The following LDLRAD3 variants were observed in gnomAD, a reference collection of about 807,000 sequenced individuals.
LDLRAD3 encodes the protein low density lipoprotein receptor class A domain containing 3, also known as low-density lipoprotein receptor class A domain-containing protein 3.
Under a neutral mutation model 29.4 loss-of-function variants are expected in LDLRAD3, and 20 were observed. The observed-to-expected ratio is 0.68, with a 90% CI of 0.48 to 0.99. The LOEUF is 0.99. Among genes scored for constraint, LDLRAD3 ranks in the 50% least tolerant of loss-of-function variants. The probability of loss-of-function intolerance (pLI) is 0.00; values close to 1 mark genes in which losing one functional copy is unlikely to be tolerated. For synonymous variants in LDLRAD3, 157 were observed against 192.7 expected (o/e 0.81, Z 1.53); for missense variants, 420 against 454.3 (o/e 0.92, Z 0.69).
At chr11:35,957,912 G>A (rs573727209) in intron 1 of LDLRAD3, among the ~76,000 whole-genome samples, 1 of 151,780 alleles carries the variant, frequency 6.6e-6, no homozygotes, top group Admixed American at 6.6e-5. Flanking sequence ...GAAATTACCC[G>A]TTGACTCCAC....
intron 2 of LDLRAD3, among the ~76,000 whole-genome samples, chr11:36,054,757 G>GGATGGATGGATGGATA (rs373470864): frequency 0.073 from 10,942 of 149,442 alleles, 664 homozygotes; most frequent in Admixed American, 0.14. Flanking sequence ...ATGGATGCTT[G>GGATGGATGGATGGATA]GATGGATGGA....
At chr11:36,094,848 T>C (rs1408085858) in intron 3 of LDLRAD3, among the ~76,000 whole-genome samples, 1 of 152,180 alleles carries the variant, frequency 6.6e-6, no homozygotes, top group African/African-American at 2.4e-5. Flanking sequence ...ATTTTAGTCA[T>C]TTCTGATTTT....
chr11:36,107,288 C>T (rs1042619706), intron 4 of LDLRAD3, among the ~76,000 whole-genome samples: 8 of 151,956 alleles, frequency 5.3e-5, no homozygotes, highest in Non-Finnish European at 8.8e-5. Flanking sequence ...GCAACCTCCA[C>T]CTCCCAGGTT....
intron 2 of LDLRAD3, among the ~76,000 whole-genome samples, chr11:36,067,416 G>A (rs1248546208): frequency 6.6e-6 from 1 of 152,068 alleles, no homozygotes; most frequent in East Asian, 1.9e-4. Flanking sequence ...AAGATGTAAT[G>A]TATAAAACGA....
intron 2 of LDLRAD3, among the ~76,000 whole-genome samples, chr11:36,075,088 G>A (rs1048631551): frequency 1.3e-5 from 2 of 152,122 alleles, no homozygotes; most frequent in African/African-American, 4.8e-5. Flanking sequence ...TTTTCTGCTG[G>A]AAGTCTGGAA....
chr11:35,968,877 T>C (rs1851375168), intron 1 of LDLRAD3, among the ~76,000 whole-genome samples: 1 of 152,182 alleles, frequency 6.6e-6, no homozygotes, highest in Admixed American at 6.5e-5. Context: ...CCAGCTAACA[T>C]CTAGCTGTTT....
chr11:36,157,493 A>G (rs1854371133), intron 4 of LDLRAD3, among the ~76,000 whole-genome samples: 1 of 152,220 alleles, frequency 6.6e-6, no homozygotes, highest in African/African-American at 2.4e-5. Context: ...AAAGTCCCAA[A>G]TGAACCATGG....
chr11:36,095,663 A>C (rs1362304912), intron 3 of LDLRAD3, among the ~76,000 whole-genome samples: 2 of 152,186 alleles, frequency 1.3e-5, no homozygotes, highest in Non-Finnish European at 2.9e-5. Flanking sequence ...TTCCTTGGAA[A>C]GTTTGAGAGG....
chr11:36,214,130 A>T (rs1855321176), intron 4 of LDLRAD3, among the ~76,000 whole-genome samples: 1 of 152,210 alleles, frequency 6.6e-6, no homozygotes, highest in African/African-American at 2.4e-5. Context: ...GGATTTAGGC[A>T]CTAGTCAGGC....
At chr11:36,085,985 C>T (rs1391715421) in intron 3 of LDLRAD3, among the ~76,000 whole-genome samples, 1 of 152,166 alleles carries the variant, frequency 6.6e-6, no homozygotes, top group East Asian at 1.9e-4. Context: ...GTTAATCTGT[C>T]ATCAAGCTCA....
At chr11:36,014,442 TG>T (rs1298440574) in intron 1 of LDLRAD3, among the ~76,000 whole-genome samples, 1 of 152,236 alleles carries the variant, frequency 6.6e-6, no homozygotes, top group African/African-American at 2.4e-5. Flanking sequence ...TGGAAGCGGC[TG>T]GAAGGGTGCA....
At chr11:36,173,625 T>C (rs539024318) in intron 4 of LDLRAD3, among the ~76,000 whole-genome samples, 7 of 152,236 alleles carry the variant, frequency 4.6e-5, no homozygotes, top group African/African-American at 1.7e-4. Context: ...TTTGCTATTG[T>C]GAATAATGCC....
Position 35,982,223 on chromosome 11 carries a change from C to T in LDLRAD3, c.46+38079C>T, listed in dbSNP as rs571822515. ...GCAGGTGGTGAGGGAGAATCTGTTCCGTGCCTTTCCCTAGCTCCCCGTGGC... is the reference window on the plus strand; with the variant it reads ...GCAGGTGGTGAGGGAGAATCTGTTCTGTGCCTTTCCCTAGCTCCCCGTGGC... On this transcript the variant is annotated intron_variant, in intron 1 of 5. Transcript: ENST00000315571. Among the ~76,000 whole-genome samples the T allele has an allele frequency of 3.3e-5, 5 of 152,086 alleles. 1 individual carries two copies. The highest frequency in any genetic ancestry group is 4.2e-4 in the South Asian group (2 of 4,816).
intron 2 of LDLRAD3, among the ~76,000 whole-genome samples, chr11:36,068,896 A>G (rs79248351): frequency 0.028 from 4,314 of 152,264 alleles, 81 homozygotes; most frequent in Middle Eastern, 0.048. Flanking sequence ...TCAGCATAAA[A>G]GAGAAGAGTT....
At chr11:36,199,689 C>T (rs1021262361) in intron 4 of LDLRAD3, among the ~76,000 whole-genome samples, 4 of 152,222 alleles carry the variant, frequency 2.6e-5, no homozygotes, top group Non-Finnish European at 5.9e-5. Context: ...AGTAGCCCGT[C>T]CAGCTTCCTT....
At chr11:36,062,361 G>A (rs1852714277) in intron 2 of LDLRAD3, among the ~76,000 whole-genome samples, 1 of 152,176 alleles carries the variant, frequency 6.6e-6, no homozygotes, top group South Asian at 2.1e-4. Flanking sequence ...TTGGGGCCAG[G>A]TAAGTCTTTC....
chr11:36,001,827 A>G (rs1241955924), intron 1 of LDLRAD3, among the ~76,000 whole-genome samples: 3 of 151,944 alleles, frequency 2.0e-5, no homozygotes, highest in Non-Finnish European at 4.4e-5. Flanking sequence ...TAAATTTTAT[A>G]TACAGCGGAC....
chr11:36,172,573 A>G (rs774289872), intron 4 of LDLRAD3, among the ~76,000 whole-genome samples: 1 of 152,012 alleles, frequency 6.6e-6, no homozygotes, highest in Non-Finnish European at 1.5e-5. Context: ...TTCTGCATCT[A>G]TTGAGATGAT....
chr11:36,192,367 G>A (rs76222794), intron 4 of LDLRAD3, among the ~76,000 whole-genome samples: 265 of 152,324 alleles, frequency 1.7e-3, no homozygotes, highest in African/African-American at 6.2e-3. Context: ...CTTAATGATG[G>A]AAGCACAGAT....
Sources: gnomAD v4.1 joint callset for allele counts (sites outside exome capture counted in the v4.1 genomes callset) on GRCh38, gnomAD v4.1.1 for gene constraint, MANE v1.5 for transcripts, NCBI Gene and HGNC (gene_info 2026-07-23, HGNC 2026-07-21) for gene names.